SORL1: variants seen among roughly 807,000 people sequenced by gnomAD.
The protein encoded by SORL1 is sortilin related receptor 1, also known as sortilin-related receptor.
SORL1 carries 127 observed loss-of-function variants against 273.7 expected under a neutral mutation model. The ratio of observed to expected loss-of-function variants is 0.46; its 90% CI spans 0.40 to 0.54. The LOEUF is 0.54. SORL1 is among the 20% of genes least tolerant of loss of function. The probability of loss-of-function intolerance (pLI) is 0.00; values close to 1 mark genes in which losing one functional copy is unlikely to be tolerated. For synonymous variants in SORL1, 1,031 were observed against 1,067.4 expected (o/e 0.97, Z 0.66); for missense variants, 2,494 against 2,846.1 (o/e 0.88, Z 2.81).
intron 25 of SORL1, among the ~76,000 whole-genome samples, chr11:121,581,498 C>T (rs1190881190): frequency 1.3e-5 from 2 of 152,076 alleles, no homozygotes; most frequent in African/African-American, 4.8e-5. Flanking sequence ...TTTTTCTTCC[C>T]TAAATTCTTC....
At chr11:121,508,696 A>G (rs1039883578) in intron 6 of SORL1, among the ~76,000 whole-genome samples, 3 of 152,132 alleles carry the variant, frequency 2.0e-5, no homozygotes, top group Non-Finnish European at 2.9e-5. Flanking sequence ...AGCTAGAGAG[A>G]GGGGGATGGG....
rs904435369 is a variant in SORL1, at chr11:121,549,951, C to A, written c.2052-9C>A. ...CCGTGGCCTTAACAAAGCCCAATTG[C>A]CTTTTTAGTGACTTCGGTTTCAAGA... On this transcript the variant is annotated splice_polypyrimidine_tract_variant and intron_variant, in intron 14 of 47. Transcript: ENST00000260197. 14 of 1,612,710 alleles carry A rather than the reference C, an allele frequency of 8.7e-6. No homozygotes were observed. The Middle Eastern group carries it at 8.2e-4, about 95-fold the overall frequency.
intron 27 of SORL1, among the ~76,000 whole-genome samples, chr11:121,587,695 A>G (rs568098577): frequency 6.6e-6 from 1 of 152,160 alleles, no homozygotes; most frequent in Non-Finnish European, 1.5e-5. Flanking sequence ...TGGGGGTTTG[A>G]TGCCAGACAG....
chr11:121,477,634 A>T (rs1033072088), intron 2 of SORL1, among the ~76,000 whole-genome samples: 3 of 152,190 alleles, frequency 2.0e-5, no homozygotes, highest in African/African-American at 7.2e-5. Context: ...ACAGACATAG[A>T]GGTGCCCTGC....
rs952821933 is a variant in SORL1 at position 121,632,320 on chromosome 11, G to T, written c.*2757G>T. 4 of 152,068 alleles carry T rather than the reference G, an allele frequency of 2.6e-5. No homozygotes were observed. Among genetic ancestry groups the T allele is most frequent in the Non-Finnish European group, 2.9e-5 (2 of 68,014 alleles). 9.4% of individuals were successfully genotyped at this position (152,068 alleles called of 1,614,324 possible). On this transcript the variant is annotated 3_prime_UTR_variant, in exon 48 of 48. Transcript: ENST00000260197. ...AGCTTTATGAGATACGAGTCCACAT[G>T]GATAAAATGTTAGAGAGTGGAGTTC...
chr11:121,607,066 C>A, intron 36 of SORL1, 109 bp downstream of exon 36: 2 of 1,017,358 alleles, frequency 2.0e-6, no homozygotes, highest in East Asian at 2.4e-5. Context: ...AGGTGATGAC[C>A]CATCCGTCAG....
intron 35 of SORL1, among the ~76,000 whole-genome samples, chr11:121,605,901 G>T (rs1310692114): frequency 6.6e-6 from 1 of 152,024 alleles, no homozygotes; most frequent in African/African-American, 2.4e-5. Context: ...AAAATATGAG[G>T]CATATCAGCA....
intron 11 of SORL1, among the ~76,000 whole-genome samples, chr11:121,528,474 C>G (rs558161228): frequency 9.2e-5 from 14 of 152,098 alleles, no homozygotes; most frequent in Non-Finnish European, 1.9e-4. Context: ...AATAAAAAAA[C>G]AGATAAAATT....
In SORL1 at chr11:121,611,122, T is replaced by C; in HGVS notation, c.5286T>C (p.Tyr1762=). The part of the protein sequence containing the change: ...DIHIDSYGEN[Y]LSFTLTMESD... ...ACATTGACAGCTATGGTGAAAATTATCTAAGCTTCACCCTGACCATGGAGA... is the reference window on the plus strand; with the variant it reads ...ACATTGACAGCTATGGTGAAAATTACCTAAGCTTCACCCTGACCATGGAGA... The change falls in exon 39 of 48, where the codon TAT becomes TAC. Residue 1762 remains tyrosine (Y), a synonymous_variant. Transcript: ENST00000260197. 7 of 1,613,690 alleles carry C rather than the reference T, an allele frequency of 4.3e-6. No individual in the cohort carries two copies. The highest frequency in any genetic ancestry group is 5.9e-6 in the Non-Finnish European group (7 of 1,179,568).
chr11:121,494,734 TC>T (rs1861602783), intron 5 of SORL1, among the ~76,000 whole-genome samples: 1 of 152,182 alleles, frequency 6.6e-6, no homozygotes, highest in Admixed American at 6.5e-5. Context: ...CACAGTTCTT[TC>T]TATCTCTAGG....
intron 25 of SORL1, among the ~76,000 whole-genome samples, chr11:121,582,068 T>G (rs1357879806): frequency 6.6e-6 from 1 of 152,242 alleles, no homozygotes; most frequent in Non-Finnish European, 1.5e-5. Flanking sequence ...AGGTTGTAAA[T>G]ATTGAAACTT....
intron 11 of SORL1, among the ~76,000 whole-genome samples, chr11:121,526,742 G>C (rs1382601348): frequency 6.6e-6 from 1 of 151,810 alleles, no homozygotes; most frequent in African/African-American, 2.4e-5. Context: ...TCTAATTTTT[G>C]CTCTAGTATA....
At chr11:121,562,941 A>G (rs1206113705) in intron 21 of SORL1, among the ~76,000 whole-genome samples, 1 of 152,208 alleles carries the variant, frequency 6.6e-6, no homozygotes, top group Non-Finnish European at 1.5e-5. Context: ...AGAGGGGACT[A>G]CTATATTAAC....
chr11:121,624,112 A>T (rs555908548), intron 45 of SORL1, among the ~76,000 whole-genome samples: 11 of 152,352 alleles, frequency 7.2e-5, no homozygotes, highest in Admixed American at 5.9e-4. Context: ...AGCCGCACCC[A>T]TGATCCAGTG....
intron 5 of SORL1, among the ~76,000 whole-genome samples, chr11:121,490,384 A>G (rs180991914): frequency 6.6e-6 from 1 of 151,704 alleles, no homozygotes; most frequent in African/African-American, 2.4e-5. Flanking sequence ...AGGCCCTTGC[A>G]TGTTTGTAGA....
intron 25 of SORL1, among the ~76,000 whole-genome samples, chr11:121,580,354 A>C (rs1862995395): frequency 6.6e-6 from 1 of 152,018 alleles, no homozygotes; most frequent in African/African-American, 2.4e-5. Context: ...AATCTGAGCG[A>C]CTTCTCTAGA....
chr11:121,555,437 A>C, intron 18 of SORL1, 119 bp downstream of exon 18: 1 of 1,299,830 alleles, frequency 7.7e-7, no homozygotes, highest in Non-Finnish European at 1.1e-6. Context: ...ATTTACTGCG[A>C]GTTTCCAGAG....
intron 6 of SORL1, among the ~76,000 whole-genome samples, chr11:121,508,471 G>A (rs1861821250): frequency 6.6e-6 from 1 of 152,158 alleles, no homozygotes; most frequent in African/African-American, 2.4e-5. Context: ...ACTATTTTCA[G>A]TAAATGCCTT....
chr11:121,478,838 G>T (rs115679664), intron 3 of SORL1, among the ~76,000 whole-genome samples: 1 of 151,642 alleles, frequency 6.6e-6, no homozygotes, highest in Non-Finnish European at 1.5e-5. Flanking sequence ...ACTTGTGTGC[G>T]TATGGGTACC....
Sources: gnomAD v4.1 joint callset for allele counts (sites outside exome capture counted in the v4.1 genomes callset) on GRCh38, gnomAD v4.1.1 for gene constraint, MANE v1.5 for transcripts, NCBI Gene and HGNC (gene_info 2026-07-23, HGNC 2026-07-21) for gene names.